The following FBXL20 variants were observed in gnomAD, a reference collection of about 807,000 sequenced individuals.
The protein encoded by FBXL20 is F-box/LRR-repeat protein 20.
A neutral mutation model predicts 64.0 loss-of-function variants in FBXL20; 11 were observed. That is an observed-to-expected ratio of 0.17 (90% CI 0.11 to 0.28). FBXL20 has a LOEUF of 0.28. Among genes scored for constraint, FBXL20 ranks in the 10% least tolerant of loss-of-function variants. The pLI, the probability that FBXL20 is intolerant of heterozygous loss-of-function variation, is 1.00. For synonymous variants in FBXL20, 184 were observed against 189.0 expected (o/e 0.97, Z 0.22); for missense variants, 303 against 526.2 (o/e 0.58, Z 4.15).
chr17:39,344,302 G>GATC (rs1326668195), intron 1 of FBXL20, among the ~76,000 whole-genome samples: 1 of 147,558 alleles, frequency 6.8e-6, no homozygotes, highest in Non-Finnish European at 1.5e-5. Flanking sequence ...AGTGAGCTGA[G>GATC]ATCACACCAC....
chr17:39,317,673 C>CTTTTTTTT (rs1567877307), intron 2 of FBXL20, among the ~76,000 whole-genome samples: 1 of 108,456 alleles, frequency 9.2e-6, no homozygotes, highest in African/African-American at 4.0e-5. Flanking sequence ...GAGAGTTTGA[C>CTTTTTTTT]TTTGTTTTTT....
At chr17:39,297,041 C>A (rs632202) in intron 6 of FBXL20, 86 bp downstream of exon 6, 231,720 of 816,818 alleles carry the variant, frequency 0.28, 40,873 homozygotes, top group African/African-American at 0.74. Context: ...AAAATTTGCT[C>A]AATAGAGTTA....
Position 39,275,036 on chromosome 17 carries a change from G to C in FBXL20, c.761C>G (p.Ala254Gly). The change falls in exon 10 of 15, where the codon GCC (alanine) becomes GGC (glycine). Residue 254 changes from alanine (A) to glycine (G), a missense_variant. Ala to Gly is a moderately conservative substitution (Grantham distance 60). Transcript: ENST00000264658. Reference protein sequence around the residue: ...RGCHKLQSLCASGCSNITDAI... With the variant: ...RGCHKLQSLCGSGCSNITDAI... ...ATCTGTGATGTTGGAGCAGCCAGAG[G>C]CACAAAGGGATTGTAACTTATGGCA... The C allele has an allele frequency of 1.2e-6, 2 of 1,613,954 alleles. No homozygotes were observed. The highest frequency in any genetic ancestry group is 1.7e-6 in the Non-Finnish European group (2 of 1,179,966).
chr17:39,270,883 A>G (rs1337988136), intron 10 of FBXL20, 27 bp from the exon 11 acceptor site: 2 of 1,538,768 alleles, frequency 1.3e-6, no homozygotes, highest in Non-Finnish European at 1.8e-6. Flanking sequence ...AAAAACAGTG[A>G]AAGTCAAGCT....
rs1311687349 is a variant in FBXL20 at position 39,254,314 on chromosome 17, T to A, written c.*7146A>T. 2.0e-5 allele frequency: 3 copies of A among 152,340 alleles called. No homozygotes were observed. Among genetic ancestry groups the A allele is most frequent in the Non-Finnish European group, 2.9e-5 (2 of 68,078 alleles). 9.4% of individuals were successfully genotyped at this position (152,340 alleles called of 1,614,324 possible). On this transcript the variant is annotated 3_prime_UTR_variant, in exon 15 of 15. Transcript: ENST00000264658. ...CGCCCGCCTCGGCCTCCCAAAGTGC[T>A]GGGATTACAGGCGTGAGCCACCACG...
intron 1 of FBXL20, among the ~76,000 whole-genome samples, chr17:39,346,325 A>G (rs2047632172): frequency 6.6e-6 from 1 of 151,850 alleles, no homozygotes; most frequent in Non-Finnish European, 1.5e-5. Context: ...TGGGCGACAG[A>G]GTGAGATCCT....
rs2048246125 is a variant in FBXL20, at chr17:39,401,595, A to C, written c.-193T>G. On this transcript the variant is annotated 5_prime_UTR_variant, in exon 1 of 15. Transcript: ENST00000264658. Reference sequence around the variant, plus strand: ...CACCTCCCGCGGCGCCGGCGGCCGCAACGACTGCTCGTCGCTAGCTCGGCT... The same window carrying C: ...CACCTCCCGCGGCGCCGGCGGCCGCCACGACTGCTCGTCGCTAGCTCGGCT... The C allele has an allele frequency of 2.8e-6, 4 of 1,404,396 alleles. No homozygotes were observed. Among genetic ancestry groups the C allele is most frequent in the African/African-American group, 1.5e-5 (1 of 65,412 alleles). 87.0% of individuals were successfully genotyped at this position (1,404,396 alleles called of 1,614,324 possible).
intron 1 of FBXL20, among the ~76,000 whole-genome samples, chr17:39,381,551 G>C (rs1300551256): frequency 2.0e-5 from 3 of 151,810 alleles, no homozygotes; most frequent in Non-Finnish European, 4.4e-5. Flanking sequence ...AACATTGTGG[G>C]AGGCCGAAGC....
chr17:39,300,466 T>C (rs747691034), intron 4 of FBXL20, among the ~76,000 whole-genome samples: 1 of 152,158 alleles, frequency 6.6e-6, no homozygotes, highest in Admixed American at 6.6e-5. Flanking sequence ...TTATAGATAA[T>C]AGGCTATACT....
chr17:39,264,072 T>A (rs910289501), intron 14 of FBXL20, 103 bp downstream of exon 14: 21 of 1,248,962 alleles, frequency 1.7e-5, no homozygotes, highest in Non-Finnish European at 2.4e-5. Flanking sequence ...AATGTTCAAG[T>A]AAATATAAAA....
intron 1 of FBXL20, among the ~76,000 whole-genome samples, chr17:39,381,037 G>C (rs541845770): frequency 1.3e-5 from 2 of 152,122 alleles, no homozygotes; most frequent in South Asian, 4.2e-4. Flanking sequence ...GCAGGCACCT[G>C]TAATCCCAGC....
At chr17:39,353,871 G>A (rs775569296) in intron 1 of FBXL20, among the ~76,000 whole-genome samples, 12 of 151,980 alleles carry the variant, frequency 7.9e-5, no homozygotes, top group South Asian at 2.1e-4. Flanking sequence ...TGATCCGCCC[G>A]CCTTGGCCTC....
At chr17:39,339,888 C>T (rs759371441) in intron 2 of FBXL20, among the ~76,000 whole-genome samples, 2 of 151,994 alleles carry the variant, frequency 1.3e-5, no homozygotes, top group Non-Finnish European at 2.9e-5. Context: ...CCTCGTGATC[C>T]GCCCGTCTCA....
chr17:39,392,933 G>A lies in FBXL20; in HGVS notation c.42+8428C>T, dbSNP rs528469265. On this transcript the variant is annotated intron_variant, in intron 1 of 14. Coordinates refer to ENST00000264658, the MANE Select transcript of FBXL20 (RefSeq NM_032875.3). ...GAGGCTGAGGTTGAACCCAGGAGGC[G>A]GAGGAGCCGAGATCGTGTCATCGCA... Among the ~76,000 whole-genome samples the A allele has an allele frequency of 2.0e-5, 3 of 150,870 alleles. No homozygotes were observed. The South Asian group carries it at 6.3e-4, about 32-fold the overall frequency.
intron 1 of FBXL20, among the ~76,000 whole-genome samples, chr17:39,371,683 CGAA>C (rs2047920101): frequency 6.8e-6 from 1 of 147,578 alleles, no homozygotes; most frequent in Non-Finnish European, 1.5e-5. Context: ...TTTTTTGAGA[CGAA>C]GTTTTGCTCT....
chr17:39,278,139 AAC>A (rs2046915746), intron 9 of FBXL20, among the ~76,000 whole-genome samples: 1 of 152,136 alleles, frequency 6.6e-6, no homozygotes, highest in Non-Finnish European at 1.5e-5. Flanking sequence ...TATACATACA[AAC>A]ACACACACTT....
chr17:39,332,536 CTTTTTTTTTTTTT>C (rs58827473), intron 2 of FBXL20, among the ~76,000 whole-genome samples: 4 of 96,964 alleles, frequency 4.1e-5, no homozygotes, highest in East Asian at 3.3e-4. Flanking sequence ...TTCTTTGTAT[CTTTTTTTTTTTTT>C]TTTTTTTTTT....
intron 1 of FBXL20, among the ~76,000 whole-genome samples, chr17:39,356,822 A>AT (rs36030405): frequency 0.37 from 53,259 of 145,184 alleles, 11,856 homozygotes; most frequent in African/African-American, 0.64. Context: ...CACCTGGCTA[A>AT]TTTTTTTTTT....
Position 39,281,379 on chromosome 17 carries a change from G to C in FBXL20, c.696+10C>G, listed in dbSNP as rs763376532. 6.8e-6 allele frequency: 11 copies of C among 1,612,536 alleles called. No homozygotes were observed. Among genetic ancestry groups the C allele is most frequent in the Non-Finnish European group, 9.3e-6 (11 of 1,179,008 alleles). On this transcript the variant is annotated intron_variant, in intron 9 of 14. Coordinates refer to ENST00000264658, the MANE Select transcript of FBXL20 (RefSeq NM_032875.3). ...ACTAAAACAGAAGAGTTGTGAGAAG[G>C]GATGTTTACCAAGCAAGTCTGCAAG... is the stretch of plus-strand genomic sequence containing the variant.
Sources: allele counts gnomAD v4.1 joint callset (sites outside exome capture counted in the v4.1 genomes callset), GRCh38; gene constraint gnomAD v4.1.1; transcripts MANE v1.5; gene names NCBI Gene and HGNC (gene_info 2026-07-23, HGNC 2026-07-21).